Variants in MSH3 observed in about 807,000 individuals in gnomAD.
MSH3 encodes the protein mutS homolog 3, also known as DNA mismatch repair protein Msh3.
MSH3 carries 106 observed loss-of-function variants against 123.3 expected under a neutral mutation model. That is an observed-to-expected ratio of 0.86 (90% CI 0.73 to 1.01). The LOEUF is 1.01. MSH3 is among the 50% of genes least tolerant of loss of function. The pLI is 0.00. For synonymous variants in MSH3, 515 were observed against 481.4 expected, an observed-to-expected ratio of 1.07 and a Z score of -0.91; for missense variants, 1,459 against 1,347.6, an observed-to-expected ratio of 1.08 and a Z score of -1.29.
chr5:80,703,402 G>C (rs1388785407), intron 8 of MSH3, among the ~76,000 whole-genome samples: 1 of 152,144 alleles, frequency 6.6e-6, no homozygotes, highest in Non-Finnish European at 1.5e-5. Flanking sequence ...CTTAAGACAA[G>C]AGATTGCCCA....
chr5:80,847,270 G>A (rs1249967606), intron 20 of MSH3, among the ~76,000 whole-genome samples: 1 of 151,908 alleles, frequency 6.6e-6, no homozygotes, highest in Admixed American at 6.6e-5. Flanking sequence ...ATGTTGGCCA[G>A]GCTGGTCTCA....
intron 8 of MSH3, among the ~76,000 whole-genome samples, chr5:80,682,672 A>C (rs2112821908): frequency 6.6e-6 from 1 of 152,340 alleles, no homozygotes; most frequent in Admixed American, 6.5e-5. Context: ...TAATAATTAC[A>C]TCAGGGTAAA....
intron 20 of MSH3, among the ~76,000 whole-genome samples, chr5:80,823,960 C>T (rs1338833137): frequency 1.3e-5 from 2 of 152,156 alleles, no homozygotes; most frequent in Non-Finnish European, 2.9e-5. Context: ...CGCCCTTAAT[C>T]CATTTAACCC....
chr5:80,823,615 C>T (rs1745237692), intron 20 of MSH3, among the ~76,000 whole-genome samples: 1 of 82,596 alleles, frequency 1.2e-5, no homozygotes, highest in Non-Finnish European at 2.6e-5. Flanking sequence ...CTTCAGTGCA[C>T]ATTAAATTTT....
intron 22 of MSH3, among the ~76,000 whole-genome samples, chr5:80,865,864 T>C (rs1235600594): frequency 6.6e-6 from 1 of 152,198 alleles, no homozygotes; most frequent in African/African-American, 2.4e-5. Context: ...GGGCCTAAGA[T>C]AAATGTAATG....
chr5:80,659,624 AATATAC>A (rs1285431134), intron 2 of MSH3, among the ~76,000 whole-genome samples: 3 of 152,198 alleles, frequency 2.0e-5, no homozygotes, highest in Non-Finnish European at 2.9e-5. Flanking sequence ...ATTGTGGTAA[AATATAC>A]ATAACATAAA....
rs544954100 is a variant in MSH3, at chr5:80,657,091, C to G, written c.358+560C>G. Reference sequence around the variant, plus strand: ...TATCAGGACCTGCAGATCTACTCTCCCCGCTTTTTTTTGCTTAGAGCTGCT... The same window carrying G: ...TATCAGGACCTGCAGATCTACTCTCGCCGCTTTTTTTTGCTTAGAGCTGCT... On this transcript the variant is annotated intron_variant, in intron 2 of 23. Transcript: ENST00000265081. Among the ~76,000 whole-genome samples, 9 of 152,146 alleles carry G rather than the reference C, an allele frequency of 5.9e-5. No individual in the cohort carries two copies. In the South Asian group the frequency reaches 1.5e-3, roughly 25 times the overall value.
At chr5:80,829,662 A>G (rs1745384968) in intron 20 of MSH3, among the ~76,000 whole-genome samples, 1 of 152,166 alleles carries the variant, frequency 6.6e-6, no homozygotes, top group Non-Finnish European at 1.5e-5. Flanking sequence ...GGATTTTTGC[A>G]TCTATGTTCA....
chr5:80,676,454 T>C (rs1201101390), intron 7 of MSH3, among the ~76,000 whole-genome samples: 1 of 152,210 alleles, frequency 6.6e-6, no homozygotes, highest in Non-Finnish European at 1.5e-5. Flanking sequence ...ACACCCCTTT[T>C]CTGTTGTAAG....
At position 80,787,330 on chromosome 5, in the gene MSH3, T is replaced by C. The variant is rs544879755; in HGVS notation, c.2436-235T>C. On this transcript the variant is annotated intron_variant, in intron 17 of 23. Transcript: ENST00000265081. ...TGTGATATATTCTTAATGGTTGATA[T>C]CTTTACATAGAAGTTGTTTTAAATT... 6.6e-5 allele frequency among the ~76,000 whole-genome samples: 10 copies of C among 152,366 alleles called. 1 individual carries two copies. Among genetic ancestry groups the C allele is most frequent in the Admixed American group, 4.6e-4 (7 of 15,296 alleles).
intron 10 of MSH3, among the ~76,000 whole-genome samples, chr5:80,740,713 C>CT (rs34246815): frequency 0.25 from 32,939 of 131,362 alleles, 4,183 homozygotes; most frequent in Middle Eastern, 0.31. Flanking sequence ...ATGTTAGAAT[C>CT]TTTTTTTTTT....
intron 9 of MSH3, among the ~76,000 whole-genome samples, chr5:80,725,884 G>C (rs1743295507): frequency 6.6e-6 from 1 of 152,198 alleles, no homozygotes; most frequent in African/African-American, 2.4e-5. Flanking sequence ...AGCCTCTTTT[G>C]AAATTATGAC....
At chr5:80,866,398 C>G (rs538377332) in intron 22 of MSH3, among the ~76,000 whole-genome samples, 1 of 152,178 alleles carries the variant, frequency 6.6e-6, no homozygotes, top group African/African-American at 2.4e-5. Flanking sequence ...CTTGGCCTCC[C>G]AAAGTGCTGG....
At chr5:80,782,053 A>G (rs1186198188) in intron 17 of MSH3, among the ~76,000 whole-genome samples, 1 of 152,216 alleles carries the variant, frequency 6.6e-6, no homozygotes, top group Non-Finnish European at 1.5e-5. Context: ...ATTTTTAAAG[A>G]TTATATATGC....
intron 12 of MSH3, among the ~76,000 whole-genome samples, chr5:80,759,129 T>C (rs1245806244): frequency 6.6e-6 from 1 of 152,226 alleles, no homozygotes; most frequent in Non-Finnish European, 1.5e-5. Flanking sequence ...AATAACTGTT[T>C]ATTGAGCACA....
chr5:80,850,596 A>G (rs1249154064), intron 20 of MSH3, among the ~76,000 whole-genome samples: 1 of 152,188 alleles, frequency 6.6e-6, no homozygotes, highest in African/African-American at 2.4e-5. Flanking sequence ...TAAAACCATC[A>G]GATTTCATGA....
intron 19 of MSH3, among the ~76,000 whole-genome samples, chr5:80,799,594 TC>T (rs1373235633): frequency 6.6e-6 from 1 of 150,614 alleles, no homozygotes; most frequent in African/African-American, 2.4e-5. Flanking sequence ...TTATTTTTTT[TC>T]TGCTGTACAT....
intron 1 of MSH3, chr5:80,655,284 C>A: frequency 4.4e-6 from 1 of 228,832 alleles, no homozygotes; most frequent in Non-Finnish European, 8.4e-6. Flanking sequence ...AACCTCCATC[C>A]TTTTTTTTTT....
At chr5:80,757,382 G>T (rs1324182817) in intron 12 of MSH3, among the ~76,000 whole-genome samples, 1 of 152,036 alleles carries the variant, frequency 6.6e-6, no homozygotes, top group African/African-American at 2.4e-5. Flanking sequence ...CATTTTCACA[G>T]TAGCAACCAG....
Sources: allele counts gnomAD v4.1 joint callset (sites outside exome capture counted in the v4.1 genomes callset), GRCh38; gene constraint gnomAD v4.1.1; transcripts MANE v1.5; gene names NCBI Gene and HGNC (gene_info 2026-07-23, HGNC 2026-07-21).